The following EGFLAM variants were observed in gnomAD, a reference collection of about 807,000 sequenced individuals.
The protein encoded by EGFLAM is EGF like, fibronectin type III and laminin G domains, also known as pikachurin.
A neutral mutation model predicts 113.1 loss-of-function variants in EGFLAM; 79 were observed. That is an observed-to-expected ratio of 0.70 (90% CI 0.58 to 0.84). The LOEUF is 0.84. Ranked by LOEUF, EGFLAM falls within the 40% of genes least tolerant of loss-of-function variation. EGFLAM has a pLI of 0.00. For missense variants in EGFLAM, 1,265 were observed against 1,291.6 expected (o/e 0.98, Z 0.32); for synonymous variants, 504 against 487.6 (o/e 1.03, Z -0.44).
chr5:38,345,439 T>C (rs779166413), intron 3 of EGFLAM: 3 of 152,330 alleles, frequency 2.0e-5, no homozygotes, highest in Non-Finnish European at 4.4e-5. Flanking sequence ...TGACCAGCCT[T>C]GATTTTCTCT....
intron 6 of EGFLAM, among the ~76,000 whole-genome samples, chr5:38,397,779 T>C (rs1740999263): frequency 6.6e-6 from 1 of 152,018 alleles, no homozygotes; most frequent in African/African-American, 2.4e-5. Context: ...GTCATTTGAC[T>C]CTCCCTACCC....
At chr5:38,335,505 A>T (rs559229339) in intron 1 of EGFLAM, among the ~76,000 whole-genome samples, 1 of 152,148 alleles carries the variant, frequency 6.6e-6, no homozygotes, top group East Asian at 1.9e-4. Flanking sequence ...TCATCCTGTG[A>T]TTTCCCAGTT....
At chr5:38,417,379 A>G (rs1741686408) in intron 11 of EGFLAM, among the ~76,000 whole-genome samples, 1 of 151,464 alleles carries the variant, frequency 6.6e-6, no homozygotes, top group African/African-American at 2.4e-5. Context: ...ACAAAAAAAA[A>G]AGGCCAAGGG....
At chr5:38,459,169 T>C (rs1037338559) in intron 20 of EGFLAM, among the ~76,000 whole-genome samples, 1 of 152,146 alleles carries the variant, frequency 6.6e-6, no homozygotes, top group African/African-American at 2.4e-5. Flanking sequence ...GCCTCTTGAG[T>C]AGCTGGGACC....
intron 6 of EGFLAM, among the ~76,000 whole-genome samples, chr5:38,382,475 C>T (rs1740536116): frequency 6.6e-6 from 1 of 152,156 alleles, no homozygotes; most frequent in Admixed American, 6.5e-5. Flanking sequence ...TGTCCAAGTT[C>T]ATCTTCCCTT....
At chr5:38,460,874 T>C (rs766282906) in intron 20 of EGFLAM, 1 of 152,244 alleles carries the variant, frequency 6.6e-6, no homozygotes, top group Non-Finnish European at 1.5e-5. Context: ...CTTTGGACAG[T>C]GTCTTGCTCT....
intron 6 of EGFLAM, among the ~76,000 whole-genome samples, chr5:38,376,629 T>C (rs1409890237): frequency 6.6e-6 from 1 of 152,204 alleles, no homozygotes. Flanking sequence ...TCTATGATCA[T>C]GCCACCAGCC....
At chr5:38,309,415 G>T (rs1406762070) in intron 1 of EGFLAM, among the ~76,000 whole-genome samples, 2 of 152,188 alleles carry the variant, frequency 1.3e-5, no homozygotes, top group Non-Finnish European at 2.9e-5. Context: ...CTCTTCTCTT[G>T]CCCACTGCAT....
intron 6 of EGFLAM, among the ~76,000 whole-genome samples, chr5:38,394,056 C>A (rs996194251): frequency 3.9e-5 from 6 of 152,088 alleles, no homozygotes; most frequent in Non-Finnish European, 7.3e-5. Context: ...GAAGCCGCAC[C>A]GTCTGAAGTT....
chr5:38,262,540 A>G (rs1757525874), intron 1 of EGFLAM, among the ~76,000 whole-genome samples: 1 of 152,064 alleles, frequency 6.6e-6, no homozygotes, highest in Admixed American at 6.5e-5. Flanking sequence ...CCTGGTAATC[A>G]CTGATCTAAC....
At chr5:38,434,951 C>T (rs1391674241) in intron 15 of EGFLAM, among the ~76,000 whole-genome samples, 186 bp from the exon 16 acceptor site, 2 of 152,186 alleles carry the variant, frequency 1.3e-5, no homozygotes, top group Non-Finnish European at 2.9e-5. Flanking sequence ...CACCAACATT[C>T]AGGCAGGTGG....
intron 5 of EGFLAM, among the ~76,000 whole-genome samples, chr5:38,358,923 A>G (rs923863797): frequency 2.0e-5 from 3 of 152,202 alleles, no homozygotes; most frequent in Non-Finnish European, 4.4e-5. Context: ...CACAAAAGCC[A>G]TGTGTTTGAG....
chr5:38,348,895 A>G (rs1252044138), intron 3 of EGFLAM, among the ~76,000 whole-genome samples: 1 of 152,174 alleles, frequency 6.6e-6, no homozygotes, highest in African/African-American at 2.4e-5. Context: ...CTGGCTGCAC[A>G]TTAGAATCAC....
chr5:38,337,402 G>C (rs1279867194), intron 1 of EGFLAM, 118 bp from the exon 2 acceptor site: 1 of 980,646 alleles, frequency 1.0e-6, no homozygotes, highest in Non-Finnish European at 1.5e-6. Context: ...CTGCATTTCT[G>C]GAATTATCTT....
chr5:38,456,903 T>A (rs1743105403), intron 19 of EGFLAM, among the ~76,000 whole-genome samples: 1 of 152,190 alleles, frequency 6.6e-6, no homozygotes. Flanking sequence ...CCAGGGAAAG[T>A]CTGGGCAGTT....
At chr5:38,429,466 A>T (rs546210100) in intron 14 of EGFLAM, among the ~76,000 whole-genome samples, 1 of 152,328 alleles carries the variant, frequency 6.6e-6, no homozygotes, top group African/African-American at 2.4e-5. Flanking sequence ...ATGATCCAGG[A>T]CCACAAGATA....
chr5:38,296,603 T>A (rs1291222961), intron 1 of EGFLAM, among the ~76,000 whole-genome samples: 1 of 152,174 alleles, frequency 6.6e-6, no homozygotes, highest in East Asian at 1.9e-4. Context: ...ACAACATTAG[T>A]GGGCAAAAGT....
At chr5:38,341,707 A>G (rs1739342651) in intron 3 of EGFLAM, among the ~76,000 whole-genome samples, 1 of 152,216 alleles carries the variant, frequency 6.6e-6, no homozygotes, top group Non-Finnish European at 1.5e-5. Flanking sequence ...CTATAGATAA[A>G]GATGTGAGTT....
At chr5:38,376,316 C>G (rs1222492903) in intron 6 of EGFLAM, among the ~76,000 whole-genome samples, 1 of 151,844 alleles carries the variant, frequency 6.6e-6, no homozygotes, top group East Asian at 1.9e-4. Context: ...TTCTTTTTTC[C>G]AAAAACGGGA....
Sources: allele counts gnomAD v4.1 joint callset (sites outside exome capture counted in the v4.1 genomes callset), GRCh38; gene constraint gnomAD v4.1.1; transcripts MANE v1.5; gene names NCBI Gene and HGNC (gene_info 2026-07-23, HGNC 2026-07-21).